WDR12: variants seen among roughly 807,000 people sequenced by gnomAD.
WDR12 encodes the protein WD repeat domain 12, also known as ribosome biogenesis protein WDR12.
In WDR12, 42 loss-of-function variants were observed where a neutral mutation model predicts 64.3. That is an observed-to-expected ratio of 0.65 (90% CI 0.51 to 0.84). The LOEUF is 0.84. Ranked by LOEUF, WDR12 falls within the 40% of genes least tolerant of loss-of-function variation. The pLI is 0.00. For synonymous variants in WDR12, 158 were observed against 173.3 expected, an observed-to-expected ratio of 0.91 and a Z score of 0.70; for missense variants, 469 against 494.6, an observed-to-expected ratio of 0.95 and a Z score of 0.49.
chr2:202,895,826 G>T (rs187950474), intron 6 of WDR12, among the ~76,000 whole-genome samples: 4 of 151,602 alleles, frequency 2.6e-5, no homozygotes, highest in African/African-American at 9.7e-5. Context: ...CACCGCGCCC[G>T]GCCCATACCT....
chr2:202,882,450 T>C (rs571864213), intron 12 of WDR12, among the ~76,000 whole-genome samples: 4 of 152,036 alleles, frequency 2.6e-5, no homozygotes, highest in African/African-American at 4.8e-5. Context: ...TGCTTCAGCC[T>C]CCCAAGTAGC....
chr2:202,885,212 G>A (rs1278409812), intron 8 of WDR12, among the ~76,000 whole-genome samples: 3 of 152,182 alleles, frequency 2.0e-5, no homozygotes, highest in African/African-American at 7.2e-5. Flanking sequence ...GCCCCTGGCA[G>A]CTTTCTTGAG....
At chr2:202,906,507 C>G (rs1336261678) in intron 2 of WDR12, among the ~76,000 whole-genome samples, 2 of 152,234 alleles carry the variant, frequency 1.3e-5, no homozygotes, top group Admixed American at 6.5e-5. Context: ...CTTACCTCCT[C>G]ATTCCTCCAA....
intron 4 of WDR12, among the ~76,000 whole-genome samples, chr2:202,899,271 C>G (rs1437031327): frequency 1.3e-5 from 2 of 151,870 alleles, no homozygotes; most frequent in African/African-American, 4.8e-5. Flanking sequence ...GTCTCGATCT[C>G]CCAACCTCGT....
At chr2:202,886,160 A>C (rs570140913) in intron 8 of WDR12, among the ~76,000 whole-genome samples, 1 of 152,208 alleles carries the variant, frequency 6.6e-6, no homozygotes, top group African/African-American at 2.4e-5. Flanking sequence ...TCTAAAAAAA[A>C]AAAAAAAGAG....
intron 2 of WDR12, among the ~76,000 whole-genome samples, chr2:202,901,916 G>C (rs1320034033): frequency 6.6e-6 from 1 of 152,134 alleles, no homozygotes; most frequent in African/African-American, 2.4e-5. Context: ...ATCCCATCAG[G>C]ATGTAAATAG....
chr2:202,884,876 T>A lies in WDR12; in HGVS notation c.742-341A>T, dbSNP rs16839353. Among the ~76,000 whole-genome samples the A allele has an allele frequency of 5.4e-3, 827 of 152,330 alleles. 11 individuals are homozygous for A. Among genetic ancestry groups the A allele is most frequent in the African/African-American group, 0.019 (780 of 41,578 alleles). On this transcript the variant is annotated intron_variant, in intron 8 of 12. Transcript: ENST00000261015. ...ATCAGCATTAACACAAACTTAACTC[T>A]CCCAGCTGACAAATGTTATATTAAA...
At chr2:202,902,710 G>A (rs1423652762) in intron 2 of WDR12, among the ~76,000 whole-genome samples, 1 of 152,176 alleles carries the variant, frequency 6.6e-6, no homozygotes, top group East Asian at 1.9e-4. Flanking sequence ...TACTTTTGAG[G>A]TTTTGGGACT....
intron 8 of WDR12, among the ~76,000 whole-genome samples, chr2:202,889,939 G>A (rs1688119909): frequency 6.6e-6 from 1 of 151,754 alleles, no homozygotes; most frequent in African/African-American, 2.4e-5. Context: ...TAAATAGCCT[G>A]AGCGTATTGG....
In WDR12 at chr2:202,878,873, T is replaced by C. The variant is rs1687904386; in HGVS notation, c.*1987A>G. Reference sequence around the variant, plus strand: ...AATAACATTTAAAAAATACATTTACTTTAAATATTTTTATATAACACATGC... The same window carrying C: ...AATAACATTTAAAAAATACATTTACCTTAAATATTTTTATATAACACATGC... On this transcript the variant is annotated 3_prime_UTR_variant, in exon 13 of 13. Transcript: ENST00000261015. 6.6e-6 allele frequency: 1 copy of C among 152,208 alleles called. No homozygotes were observed. Among genetic ancestry groups the C allele is most frequent in the African/African-American group, 2.4e-5 (1 of 41,432 alleles). The allele number at this position is 152,208 out of a possible 1,614,324, so 9.4% of individuals were successfully genotyped here. A position where few individuals can be genotyped will look rare whatever the true frequency, so the allele number is the denominator to read the frequency against.
Position 202,882,788 on chromosome 2 carries a change from A to G in WDR12, c.1122-5T>C. ...TCATAGAGAGGAGCCTTACAACTAAAAGATGAAAATATTAACATATTATAT... is the reference window on the plus strand; with the variant it reads ...TCATAGAGAGGAGCCTTACAACTAAGAGATGAAAATATTAACATATTATAT... On this transcript the variant is annotated splice_region_variant and splice_polypyrimidine_tract_variant and intron_variant, in intron 11 of 12. Transcript: ENST00000261015. The G allele has an allele frequency of 1.2e-6, 2 of 1,613,486 alleles. No homozygotes were observed. Among genetic ancestry groups the G allele is most frequent in the Non-Finnish European group, 1.7e-6 (2 of 1,179,466 alleles).
chr2:202,902,007 T>G (rs1574409795), intron 2 of WDR12, among the ~76,000 whole-genome samples: 1 of 152,226 alleles, frequency 6.6e-6, no homozygotes, highest in Non-Finnish European at 1.5e-5. Flanking sequence ...TCCACCATAA[T>G]GCTCCTTGTC....
intron 3 of WDR12, among the ~76,000 whole-genome samples, 192 bp downstream of exon 3, chr2:202,900,829 TATAC>T (rs2105910275): frequency 6.6e-6 from 1 of 152,092 alleles, no homozygotes; most frequent in East Asian, 1.9e-4. Flanking sequence ...TACATATATA[TATAC>T]ACACACACTA....
In WDR12 at chr2:202,878,622, C is replaced by T. The variant is rs1687900250; in HGVS notation, c.*2238G>A. 1 of 152,156 alleles carries T rather than the reference C, an allele frequency of 6.6e-6. No individual in the cohort carries two copies. Among genetic ancestry groups the T allele is most frequent in the South Asian group, 2.1e-4 (1 of 4,824 alleles). The allele number at this position is 152,156 out of a possible 1,614,324, so 9.4% of individuals were successfully genotyped here. A position where few individuals can be genotyped will look rare whatever the true frequency, so the allele number is the denominator to read the frequency against. ...AATGTGGAACAAAACCTACATCAGCCCTGGACTGCCTCTGGTTTTCTACAG... is the reference window on the plus strand; with the variant it reads ...AATGTGGAACAAAACCTACATCAGCTCTGGACTGCCTCTGGTTTTCTACAG... On this transcript the variant is annotated 3_prime_UTR_variant, in exon 13 of 13. Transcript: ENST00000261015.
At position 202,903,820 on chromosome 2, in the gene WDR12, A is replaced by C. The variant is rs552583107; in HGVS notation, c.137-2701T>G. Among the ~76,000 whole-genome samples, 34 of 152,096 alleles carry C rather than the reference A, an allele frequency of 2.2e-4. 1 individual carries two copies. Among genetic ancestry groups the C allele is most frequent in the Admixed American group, 2.2e-3 (34 of 15,262 alleles). ...CAAAGAAGTGAAAGATCTCTACAAC[A>C]AAAACTATAAAACATCGATGAAAGA... On this transcript the variant is annotated intron_variant, in intron 2 of 12. Coordinates refer to ENST00000261015, the MANE Select transcript of WDR12 (RefSeq NM_018256.4).
At chr2:202,890,852 A>G (rs1366607470) in intron 8 of WDR12, among the ~76,000 whole-genome samples, 1 of 150,482 alleles carries the variant, frequency 6.6e-6, no homozygotes, top group Non-Finnish European at 1.5e-5. Flanking sequence ...AAATTGGCAG[A>G]GCATGGTGGC....
chr2:202,901,117 A>C lies in WDR12; in HGVS notation c.139T>G (p.Phe47Val). 1 of 1,587,370 alleles carries C rather than the reference A, an allele frequency of 6.3e-7. No homozygotes were observed. The highest frequency in any genetic ancestry group is 8.6e-7 in the Non-Finnish European group (1 of 1,161,284). ...INKLLKDKNEFHKHVEFDFLI... is the reference protein window; with the variant it reads ...INKLLKDKNEVHKHVEFDFLI... ...AAATCAAACTCCACATGTTTGTGGA[A>C]CTCTGAGGAAAATACATAACAAAAT... Residue 47 changes from phenylalanine (F) to valine (V), a missense_variant and splice_region_variant, in exon 3 of 13, where the codon TTC becomes GTC. Phe to Val is a conservative substitution (Grantham distance 50). Coordinates refer to ENST00000261015, the MANE Select transcript of WDR12 (RefSeq NM_018256.4).
rs1248523202 is a variant in WDR12 at position 202,879,542 on chromosome 2, T to G, written c.*1318A>C. 3 of 151,758 alleles carry G rather than the reference T, an allele frequency of 2.0e-5. No individual in the cohort carries two copies. The highest frequency in any genetic ancestry group is 1.5e-5 in the Non-Finnish European group (1 of 68,044). 9.4% of individuals were successfully genotyped at this position (151,758 alleles called of 1,614,324 possible). Reference sequence around the variant, plus strand: ...TTCAACCAATTCTCCTGCCTCAGCCTCCCAAGTACTTGGGACCACAGGAGT... The same window carrying G: ...TTCAACCAATTCTCCTGCCTCAGCCGCCCAAGTACTTGGGACCACAGGAGT... On this transcript the variant is annotated 3_prime_UTR_variant, in exon 13 of 13. Transcript: ENST00000261015.
chr2:202,907,516 G>A (rs1452807312), intron 2 of WDR12, among the ~76,000 whole-genome samples: 1 of 152,042 alleles, frequency 6.6e-6, no homozygotes, highest in Non-Finnish European at 1.5e-5. Context: ...TGGGGCCTAA[G>A]CACTAAAACG....
Sources: allele counts gnomAD v4.1 joint callset (sites outside exome capture counted in the v4.1 genomes callset), GRCh38; gene constraint gnomAD v4.1.1; transcripts MANE v1.5; gene names NCBI Gene and HGNC (gene_info 2026-07-23, HGNC 2026-07-21).